Variants in HAT1 observed in about 807,000 individuals in gnomAD.
The protein encoded by HAT1 is histone acetyltransferase 1.
In HAT1, 20 loss-of-function variants were observed where a neutral mutation model predicts 56.6. The observed-to-expected ratio is 0.35, with a 90% CI of 0.25 to 0.51. The LOEUF (loss-of-function observed/expected upper bound fraction) is 0.51. Ranked by LOEUF, HAT1 falls within the 20% of genes least tolerant of loss-of-function variation. HAT1 has a pLI of 0.95. For missense variants in HAT1, 408 were observed against 504.3 expected, an observed-to-expected ratio of 0.81 and a Z score of 1.83; for synonymous variants, 146 against 165.5, an observed-to-expected ratio of 0.88 and a Z score of 0.91.
At chr2:171,938,075 T>TCTCTCTCTCTCTCTCTCTC (rs1558965281) in intron 2 of HAT1, among the ~76,000 whole-genome samples, 1 of 138,932 alleles carries the variant, frequency 7.2e-6, no homozygotes, top group Non-Finnish European at 1.6e-5. Flanking sequence ...TCTCTCTCTC[T>TCTCTCTCTCTCTCTCTCTC]TTAAATGAAC....
rs946923384 is a variant in HAT1 at position 171,983,336 on chromosome 2, G to A, written c.1244G>A (p.Arg415Gln). 2.5e-6 allele frequency: 4 copies of A among 1,605,794 alleles called. No homozygotes were observed. Among genetic ancestry groups the A allele is most frequent in the Non-Finnish European group, 3.4e-6 (4 of 1,174,722 alleles). Residue 415 changes from arginine to glutamine, a missense_variant, in exon 11 of 11, where the codon CGA becomes CAA. Transcript: ENST00000264108. Reference protein sequence around the residue: ...LVEDYRRVIERLAQE With the variant: ...LVEDYRRVIEQLAQE ...GAAGATTACCGGCGTGTTATTGAAC[G>A]ACTTGCTCAAGAGTAAAGATTATAC...
At chr2:171,941,046 C>T (rs756290611) in intron 2 of HAT1, among the ~76,000 whole-genome samples, 9 of 152,076 alleles carry the variant, frequency 5.9e-5, no homozygotes, top group Non-Finnish European at 1.3e-4. Context: ...GGGTTGGCAA[C>T]ATGGGGACTA....
intron 2 of HAT1, among the ~76,000 whole-genome samples, chr2:171,943,808 C>T (rs568961226): frequency 4.0e-5 from 6 of 149,658 alleles, no homozygotes; most frequent in African/African-American, 7.4e-5. Flanking sequence ...TTCAATACTG[C>T]GTAATTTCTG....
At chr2:171,930,089 T>A (rs982036730) in intron 2 of HAT1, among the ~76,000 whole-genome samples, 3 of 152,224 alleles carry the variant, frequency 2.0e-5, no homozygotes, top group Non-Finnish European at 4.4e-5. Flanking sequence ...AGGTTTTCAG[T>A]CTTGCATGTA....
chr2:171,978,518 A>G (rs1014479549), intron 9 of HAT1, among the ~76,000 whole-genome samples: 1 of 151,950 alleles, frequency 6.6e-6, no homozygotes, highest in Non-Finnish European at 1.5e-5. Flanking sequence ...CAGATTTTCT[A>G]TTTTCTGCTG....
chr2:171,952,797 A>C (rs1687340456), intron 3 of HAT1, 84 bp from the exon 4 acceptor site: 1 of 736,442 alleles, frequency 1.4e-6, no homozygotes, highest in Non-Finnish European at 2.1e-6. Context: ...ACTACCCATG[A>C]AGTTAAACTT....
chr2:171,968,533 AAG>A (rs1687734917), intron 8 of HAT1, among the ~76,000 whole-genome samples: 1 of 152,174 alleles, frequency 6.6e-6, no homozygotes, highest in South Asian at 2.1e-4. Flanking sequence ...AATCTCAGTG[AAG>A]AGTCATCAAT....
chr2:171,930,850 A>G (rs1196715382), intron 2 of HAT1, among the ~76,000 whole-genome samples: 1 of 151,954 alleles, frequency 6.6e-6, no homozygotes, highest in African/African-American at 2.4e-5. Context: ...CCTGGGCTCA[A>G]GCAATCCTCT....
intron 2 of HAT1, among the ~76,000 whole-genome samples, chr2:171,926,286 A>G (rs1013538302): frequency 4.0e-5 from 6 of 151,868 alleles, no homozygotes; most frequent in African/African-American, 1.5e-4. Flanking sequence ...AAGCCTGGCT[A>G]ATTTTTATAA....
At chr2:171,941,191 A>T (rs1558966582) in intron 2 of HAT1, among the ~76,000 whole-genome samples, 2 of 151,732 alleles carry the variant, frequency 1.3e-5, no homozygotes, top group Non-Finnish European at 2.9e-5. Flanking sequence ...CTACTCACTG[A>T]TAGGGTTGGT....
At chr2:171,947,705 C>A (rs1386553411) in intron 3 of HAT1, among the ~76,000 whole-genome samples, 1 of 152,044 alleles carries the variant, frequency 6.6e-6, no homozygotes, top group Non-Finnish European at 1.5e-5. Flanking sequence ...ATGGTGAAAC[C>A]CCGTCTCTAT....
chr2:171,939,286 G>A (rs911707837), intron 2 of HAT1, among the ~76,000 whole-genome samples: 1 of 152,190 alleles, frequency 6.6e-6, no homozygotes, highest in Non-Finnish European at 1.5e-5. Context: ...CTCTGCTAAT[G>A]TTTGAAACAT....
intron 2 of HAT1, among the ~76,000 whole-genome samples, chr2:171,941,935 T>C (rs1292460898): frequency 2.6e-5 from 4 of 151,962 alleles, no homozygotes; most frequent in Non-Finnish European, 5.9e-5. Context: ...GATGGAGTCT[T>C]GTTCTGTCAC....
chr2:171,962,481 G>A (rs537721358), intron 4 of HAT1, among the ~76,000 whole-genome samples: 3 of 152,232 alleles, frequency 2.0e-5, no homozygotes, highest in South Asian at 2.1e-4. Flanking sequence ...TGCAACCTCC[G>A]CCTCCCAAGT....
In HAT1 at chr2:171,983,156, C is replaced by T. The variant is rs186769888; in HGVS notation, c.1093-29C>T. 413 of 1,372,196 alleles carry T rather than the reference C, an allele frequency of 3.0e-4. 2 individuals are homozygous for T. The East Asian group carries it at 8.4e-3, about 28-fold the overall frequency. 85.0% of individuals were successfully genotyped at this position (1,372,196 alleles called of 1,614,324 possible). On this transcript the variant is annotated intron_variant, in intron 10 of 10. Transcript: ENST00000264108. The stretch of plus-strand genomic sequence containing the variant: ...TATAAGGAAATATATTTACTTTCTT[C>T]GTCTAACAAATAATTGTTTGTCACT...
intron 10 of HAT1, among the ~76,000 whole-genome samples, chr2:171,982,607 C>T (rs1248293400): frequency 1.3e-5 from 2 of 152,148 alleles, no homozygotes; most frequent in African/African-American, 4.8e-5. Context: ...TAAGTCAAAC[C>T]AGGAGGGTTT....
At chr2:171,927,927 C>G (rs1233491737) in intron 2 of HAT1, among the ~76,000 whole-genome samples, 1 of 151,760 alleles carries the variant, frequency 6.6e-6, no homozygotes, top group Non-Finnish European at 1.5e-5. Flanking sequence ...ACTCTTGTCA[C>G]CCAGGCTGGA....
chr2:171,924,209 G>A (rs1686518582), intron 1 of HAT1: 1 of 149,204 alleles, frequency 6.7e-6, no homozygotes, highest in Non-Finnish European at 1.5e-5. Flanking sequence ...AATTTTTACT[G>A]ATTTTTTTTT....
chr2:171,926,554 A>G (rs1000907275), intron 2 of HAT1, among the ~76,000 whole-genome samples: 2 of 151,622 alleles, frequency 1.3e-5, no homozygotes, highest in Admixed American at 6.6e-5. Context: ...TGGCCTCCCA[A>G]AGTGCTGGGA....
Sources: gnomAD v4.1 joint callset for allele counts (sites outside exome capture counted in the v4.1 genomes callset) on GRCh38, gnomAD v4.1.1 for gene constraint, MANE v1.5 for transcripts, NCBI Gene and HGNC (gene_info 2026-07-23, HGNC 2026-07-21) for gene names.